Variants in HPSE2 observed in about 807,000 individuals in gnomAD.
HPSE2 encodes inactive heparanase-2.
In HPSE2, 38 loss-of-function variants were observed where a neutral mutation model predicts 60.5. The observed-to-expected ratio is 0.63, with a 90% CI of 0.48 to 0.82. The LOEUF (loss-of-function observed/expected upper bound fraction) is 0.82, where lower values mean the gene tolerates loss of function less well. HPSE2 is among the 40% of genes least tolerant of loss of function. HPSE2 has a pLI of 0.00. For synonymous variants in HPSE2, 295 were observed against 293.2 expected (o/e 1.01, Z -0.06); for missense variants, 713 against 740.4 (o/e 0.96, Z 0.43).
chr10:98,929,494 A>T (rs1590098532), intron 3 of HPSE2, among the ~76,000 whole-genome samples: 1 of 144,172 alleles, frequency 6.9e-6, no homozygotes, highest in Non-Finnish European at 1.5e-5. Context: ...AGCTATCTTC[A>T]TATTGAACAA....
chr10:99,050,368 C>A (rs545586158), intron 3 of HPSE2, among the ~76,000 whole-genome samples: 2 of 151,334 alleles, frequency 1.3e-5, no homozygotes, highest in Non-Finnish European at 2.9e-5. Flanking sequence ...GAAAAGGGAG[C>A]CTTTGTACAC....
Position 99,015,087 on chromosome 10 carries a change from TC to T in HPSE2, c.610+129150del, listed in dbSNP as rs1422940118. 5.9e-4 allele frequency among the ~76,000 whole-genome samples: 89 copies of T among 152,094 alleles called. 1 individual carries two copies. Among genetic ancestry groups the T allele is most frequent in the Non-Finnish European group, 1.2e-3 (81 of 68,034 alleles). On this transcript the variant is annotated intron_variant, in intron 3 of 11. Coordinates refer to ENST00000370552, the MANE Select transcript of HPSE2 (RefSeq NM_021828.5). ...AAAAAAGGCTCATCATCACTGGCCA[TC>T]AGAGAAATGCAAATCAAAACCACAA...
intron 3 of HPSE2, among the ~76,000 whole-genome samples, chr10:98,778,246 T>C (rs1327919195): frequency 5.0e-5 from 2 of 39,832 alleles, no homozygotes; most frequent in African/African-American, 1.6e-4. Context: ...GACTGCAGGA[T>C]GCTCAGTGAG....
intron 3 of HPSE2, among the ~76,000 whole-genome samples, chr10:98,799,693 C>T (rs910552162): frequency 6.7e-6 from 1 of 150,192 alleles, no homozygotes; most frequent in Admixed American, 6.6e-5. Flanking sequence ...CAAGTAAGTC[C>T]ATGAAGGAAT....
At chr10:98,549,371 T>C (rs1943791596) in intron 9 of HPSE2, among the ~76,000 whole-genome samples, 1 of 82,216 alleles carries the variant, frequency 1.2e-5, no homozygotes, top group South Asian at 7.0e-4. Context: ...CCTCTATTGC[T>C]GAGAATGAAG....
intron 3 of HPSE2, among the ~76,000 whole-genome samples, chr10:98,986,249 A>T (rs572292223): frequency 1.8e-4 from 27 of 152,092 alleles, no homozygotes; most frequent in African/African-American, 6.0e-4. Context: ...GAAGTAAAGC[A>T]CTCCTCAGCA....
intron 3 of HPSE2, among the ~76,000 whole-genome samples, chr10:98,887,552 G>A (rs1953201004): frequency 6.6e-6 from 1 of 152,092 alleles, no homozygotes; most frequent in South Asian, 2.1e-4. Flanking sequence ...AACATCCGAG[G>A]TGTAGGGGAG....
chr10:98,989,257 CAAT>C (rs1956458833), intron 3 of HPSE2, among the ~76,000 whole-genome samples: 2 of 152,144 alleles, frequency 1.3e-5, no homozygotes, highest in African/African-American at 4.8e-5. Context: ...AAATGTCCAA[CAAT>C]GATAGACTGG....
At chr10:98,648,654 G>C (rs538897650) in intron 6 of HPSE2, among the ~76,000 whole-genome samples, 1 of 152,026 alleles carries the variant, frequency 6.6e-6, no homozygotes, top group South Asian at 2.1e-4. Context: ...AGTGGTACAG[G>C]AGGATCACTT....
intron 3 of HPSE2, among the ~76,000 whole-genome samples, chr10:98,963,262 A>C (rs1035883687): frequency 1.3e-5 from 2 of 152,194 alleles, no homozygotes; most frequent in African/African-American, 4.8e-5. Context: ...TTCAAATATA[A>C]TTGCAGAAAA....
At chr10:98,499,878 T>C (rs1213149022) in intron 9 of HPSE2, among the ~76,000 whole-genome samples, 1 of 152,158 alleles carries the variant, frequency 6.6e-6, no homozygotes, top group Non-Finnish European at 1.5e-5. Context: ...CTATTCTTTT[T>C]TCAGACAAAA....
At chr10:99,266,965 A>AG in the HPSE2 span, among the ~76,000 whole-genome samples, 825 of 152,308 alleles carry the variant, frequency 5.4e-3, 5 homozygotes, top group Non-Finnish European at 7.9e-3. Context: ...TACTACATCA[A>AG]GGTAGCACCC....
At chr10:98,755,564 A>G (rs1164524658) in intron 3 of HPSE2, among the ~76,000 whole-genome samples, 4 of 152,234 alleles carry the variant, frequency 2.6e-5, no homozygotes, top group Non-Finnish European at 4.4e-5. Context: ...AACGGAATAT[A>G]CATTCTTCTC....
At chr10:99,247,754 A>T in the HPSE2 span, among the ~76,000 whole-genome samples, 2 of 152,152 alleles carry the variant, frequency 1.3e-5, no homozygotes, top group African/African-American at 2.4e-5. Context: ...CTAATCCCCA[A>T]TGTTGGAGGA....
intron 3 of HPSE2, among the ~76,000 whole-genome samples, chr10:98,941,629 A>G (rs1160375337): frequency 1.4e-5 from 2 of 138,940 alleles, no homozygotes; most frequent in South Asian, 4.3e-4. Context: ...AGGAAGAATC[A>G]ATATCGTGAA....
intron 3 of HPSE2, among the ~76,000 whole-genome samples, chr10:98,750,615 G>C (rs1322515793): frequency 2.6e-5 from 4 of 152,134 alleles, no homozygotes; most frequent in African/African-American, 9.7e-5. Context: ...TAAAGGTTGA[G>C]CCAGTAAGAT....
intron 4 of HPSE2, among the ~76,000 whole-genome samples, chr10:98,723,738 T>C (rs906851408): frequency 1.3e-5 from 2 of 152,224 alleles, no homozygotes; most frequent in Non-Finnish European, 2.9e-5. Flanking sequence ...CTAGATTTTC[T>C]AGTTTATTTG....
intron 8 of HPSE2, among the ~76,000 whole-genome samples, chr10:98,617,445 G>A (rs1317507565): frequency 6.6e-6 from 1 of 152,126 alleles, no homozygotes; most frequent in Non-Finnish European, 1.5e-5. Flanking sequence ...TAAACCTGAT[G>A]TTTTTACTAG....
At chr10:98,992,380 A>G (rs1310696873) in intron 3 of HPSE2, among the ~76,000 whole-genome samples, 3 of 152,144 alleles carry the variant, frequency 2.0e-5, no homozygotes, top group Admixed American at 2.0e-4. Flanking sequence ...AAGACATTTT[A>G]AAATAGAAAA....
Sources: allele counts gnomAD v4.1 joint callset (sites outside exome capture counted in the v4.1 genomes callset), GRCh38; gene constraint gnomAD v4.1.1; transcripts MANE v1.5; gene names NCBI Gene and HGNC (gene_info 2026-07-23, HGNC 2026-07-21).